NGEF: variants seen among roughly 807,000 people sequenced by gnomAD.
NGEF encodes ephexin-1.
A neutral mutation model predicts 80.9 loss-of-function variants in NGEF; 31 were observed. That is an observed-to-expected ratio of 0.38 (90% CI 0.29 to 0.52). The LOEUF (loss-of-function observed/expected upper bound fraction) is 0.52. Ranked by LOEUF, NGEF falls within the 20% of genes least tolerant of loss-of-function variation. NGEF has a pLI of 0.84. For synonymous variants in NGEF, 371 were observed against 370.2 expected, an observed-to-expected ratio of 1.00 and a Z score of -0.03; for missense variants, 709 against 926.2, an observed-to-expected ratio of 0.77 and a Z score of 3.04.
intron 1 of NGEF, chr2:233,012,820 C>T (rs759574407): frequency 2.8e-5 from 13 of 470,650 alleles, no homozygotes; most frequent in South Asian, 3.1e-5. Context: ...AATGGAAGAG[C>T]GCCTGGAAGG....
At chr2:232,936,906 T>G (rs935358831) in intron 3 of NGEF, among the ~76,000 whole-genome samples, 1 of 152,350 alleles carries the variant, frequency 6.6e-6, no homozygotes, top group African/African-American at 2.4e-5. Context: ...ATGTCAAAAG[T>G]GAGAGTGGTC....
At chr2:232,939,226 G>T (rs529380171) in intron 3 of NGEF, among the ~76,000 whole-genome samples, 1 of 145,962 alleles carries the variant, frequency 6.9e-6, no homozygotes, top group African/African-American at 2.5e-5. Flanking sequence ...GGAATGAACA[G>T]TCCCATTTCC....
rs545375389 is a variant in NGEF at position 232,956,981 on chromosome 2, A to G, written c.383+13233T>C. ...ATAAAAAGAGAATTAAAGGGGGAAAAAAGATTTGGCATTAAGAATTAAAGC... is the reference window on the plus strand; with the variant it reads ...ATAAAAAGAGAATTAAAGGGGGAAAGAAGATTTGGCATTAAGAATTAAAGC... On this transcript the variant is annotated intron_variant, in intron 3 of 14. Transcript: ENST00000264051. Among the ~76,000 whole-genome samples the G allele has an allele frequency of 6.1e-3, 934 of 152,198 alleles. 15 individuals carry two copies. The highest frequency in any genetic ancestry group is 0.022 in the African/African-American group (905 of 41,544).
rs759758547 is a variant in NGEF at position 232,892,165 on chromosome 2, A to G, written c.1143-678T>C. Among the ~76,000 whole-genome samples the G allele has an allele frequency of 1.5e-4, 23 of 151,980 alleles. No individual in the cohort carries two copies. Among genetic ancestry groups the G allele is most frequent in the Non-Finnish European group, 2.9e-4 (20 of 68,002 alleles). ...AAAAATTGCATCCTCATTCCCTCCA[A>G]TTCCAATTTTCCTTCACCAACTGTT... is the stretch of plus-strand genomic sequence containing the variant. On this transcript the variant is annotated intron_variant, in intron 7 of 14. Transcript: ENST00000264051. This position sits in a 1 kb window ranked among gnomAD's most constrained non-coding sequence, Gnocchi z 4.0.
At chr2:233,013,036 T>C (rs1206278130) in intron 1 of NGEF, 32 bp downstream of exon 1, 5 of 459,022 alleles carry the variant, frequency 1.1e-5, no homozygotes, top group South Asian at 3.2e-5. Context: ...CTCATTTTAT[T>C]TTTTTAAAAA....
rs67389537 is a variant in NGEF at position 232,942,451 on chromosome 2, C to T, written c.384-15265G>A. Among the ~76,000 whole-genome samples the T allele has an allele frequency of 1.1e-4, 17 of 152,196 alleles. No individual in the cohort carries two copies. In the East Asian group the frequency reaches 3.1e-3, roughly 28 times the overall value. The stretch of plus-strand genomic sequence containing the variant: ...TCTTTAGGGATTGTCGGGTTCCTCT[C>T]GGTAAATCGACTGATTTACAGAGAC... On this transcript the variant is annotated intron_variant, in intron 3 of 14. Coordinates refer to ENST00000264051, the MANE Select transcript of NGEF (RefSeq NM_019850.3).
At chr2:232,966,064 G>A (rs1694053162) in intron 3 of NGEF, among the ~76,000 whole-genome samples, 1 of 152,172 alleles carries the variant, frequency 6.6e-6, no homozygotes, top group Non-Finnish European at 1.5e-5. Flanking sequence ...CTTTCGCTGG[G>A]TATTAAAGAG....
intron 3 of NGEF, among the ~76,000 whole-genome samples, chr2:232,939,668 G>A (rs1693400308): frequency 6.6e-6 from 1 of 152,106 alleles, no homozygotes; most frequent in Non-Finnish European, 1.5e-5. Flanking sequence ...CCTGTAGAAT[G>A]TTCTTTGTTG....
At chr2:232,997,395 G>A (rs932416008) in intron 1 of NGEF, among the ~76,000 whole-genome samples, 1 of 152,116 alleles carries the variant, frequency 6.6e-6, no homozygotes, top group South Asian at 2.1e-4. Flanking sequence ...AGGGTGGTGT[G>A]GAGACCAGGG....
intron 3 of NGEF, among the ~76,000 whole-genome samples, chr2:232,944,573 T>G (rs1693511234): frequency 6.6e-6 from 1 of 151,458 alleles, no homozygotes. Flanking sequence ...ATCTGTGCTG[T>G]GTGCTACTTT....
intron 5 of NGEF, among the ~76,000 whole-genome samples, chr2:232,917,128 G>A (rs1692820530): frequency 6.6e-6 from 1 of 152,240 alleles, no homozygotes; most frequent in Non-Finnish European, 1.5e-5. Context: ...AAAGGGAGTT[G>A]TTTTTATGAA....
intron 8 of NGEF, 129 bp from the exon 9 acceptor site, chr2:232,888,236 A>G (rs1200981346): frequency 2.7e-6 from 1 of 366,418 alleles, no homozygotes; most frequent in South Asian, 2.5e-5. Context: ...ACACACACAC[A>G]CGCACGCACG....
chr2:232,994,357 G>A (rs1232583146), intron 1 of NGEF, among the ~76,000 whole-genome samples: 199 of 132,748 alleles, frequency 1.5e-3, no homozygotes, highest in African/African-American at 5.6e-3. Flanking sequence ...GTAACGGAGC[G>A]AGACTTTGTC....
At chr2:232,978,694 G>A (rs1694347279) in intron 1 of NGEF, among the ~76,000 whole-genome samples, 1 of 151,806 alleles carries the variant, frequency 6.6e-6, no homozygotes, top group Non-Finnish European at 1.5e-5. Flanking sequence ...CCCCAGCCCC[G>A]GCAACCACCA....
At chr2:232,988,799 C>T (rs915131024) in intron 1 of NGEF, among the ~76,000 whole-genome samples, 25 of 151,998 alleles carry the variant, frequency 1.6e-4, no homozygotes, top group African/African-American at 6.0e-4. Context: ...TAAACATTTT[C>T]ACAAATGGGA....
chr2:232,957,603 G>A (rs35953896), intron 3 of NGEF, among the ~76,000 whole-genome samples: 29,468 of 152,182 alleles, frequency 0.19, 3,033 homozygotes, highest in East Asian at 0.34. Context: ...GATTACAGGT[G>A]TCAGCAACCA....
Position 232,902,368 on chromosome 2 carries a change from A to G in NGEF, c.829-7452T>C, listed in dbSNP as rs114898571. Among the ~76,000 whole-genome samples the G allele has an allele frequency of 5.9e-3, 904 of 152,274 alleles. 8 individuals are homozygous for G. Among genetic ancestry groups the G allele is most frequent in the African/African-American group, 0.021 (867 of 41,542 alleles). On this transcript the variant is annotated intron_variant, in intron 5 of 14. Coordinates refer to ENST00000264051, the MANE Select transcript of NGEF (RefSeq NM_019850.3). ...CCCAGCCCGCTGCAGCGCAGTCTTT[A>G]GTGAATTCGAGGCCGGACTGAGCAG...
chr2:232,973,001 C>A (rs1694225669), intron 2 of NGEF, among the ~76,000 whole-genome samples: 1 of 152,096 alleles, frequency 6.6e-6, no homozygotes, highest in Non-Finnish European at 1.5e-5. Context: ...AGATGATCTA[C>A]CCACCTCGGC....
At chr2:232,976,316 A>G (rs1376700283) in intron 1 of NGEF, among the ~76,000 whole-genome samples, 5 of 152,122 alleles carry the variant, frequency 3.3e-5, no homozygotes, top group African/African-American at 7.2e-5. Flanking sequence ...AATGGGGAGC[A>G]TGGAGGGCTG....
Sources: gnomAD v4.1 joint callset for allele counts (sites outside exome capture counted in the v4.1 genomes callset) on GRCh38, gnomAD v4.1.1 for gene constraint, Gnocchi (gnomAD v3.1) non-coding constraint, MANE v1.5 for transcripts, NCBI Gene and HGNC (gene_info 2026-07-23, HGNC 2026-07-21) for gene names.